HS6ST3: variants seen among roughly 807,000 people sequenced by gnomAD.
HS6ST3 encodes the protein heparan sulfate 6-O-sulfotransferase 3.
In HS6ST3, 12 loss-of-function variants were observed where a neutral mutation model predicts 36.7. The observed-to-expected ratio is 0.33, with a 90% CI of 0.21 to 0.53. The LOEUF is 0.53. Ranked by LOEUF, HS6ST3 falls within the 20% of genes least tolerant of loss-of-function variation. The probability of loss-of-function intolerance (pLI) is 0.95; values close to 1 mark genes in which losing one functional copy is unlikely to be tolerated. For synonymous variants in HS6ST3, 240 were observed against 257.5 expected, an observed-to-expected ratio of 0.93 and a Z score of 0.65; for missense variants, 584 against 640.9, an observed-to-expected ratio of 0.91 and a Z score of 0.96.
At chr13:96,358,787 C>T (rs1359045741) in intron 1 of HS6ST3, among the ~76,000 whole-genome samples, 1 of 151,892 alleles carries the variant, frequency 6.6e-6, no homozygotes, top group Non-Finnish European at 1.5e-5. Context: ...TTTTTATCTT[C>T]AAAGACGCAT....
intron 1 of HS6ST3, among the ~76,000 whole-genome samples, chr13:96,126,453 G>A (rs1656897434): frequency 6.6e-6 from 1 of 152,174 alleles, no homozygotes; most frequent in African/African-American, 2.4e-5. Context: ...TAAGACAGTT[G>A]TAGGTAAAGA....
intron 1 of HS6ST3, among the ~76,000 whole-genome samples, chr13:96,461,155 A>C (rs185687829): frequency 2.6e-5 from 4 of 152,342 alleles, no homozygotes; most frequent in Admixed American, 1.3e-4. Context: ...TTTAACCTAC[A>C]TATATTCAAA....
chr13:96,441,522 T>C (rs1407363193), intron 1 of HS6ST3, among the ~76,000 whole-genome samples: 1 of 152,122 alleles, frequency 6.6e-6, no homozygotes, highest in Non-Finnish European at 1.5e-5. Flanking sequence ...AGACAGCTGA[T>C]GAAAGTCTTC....
rs971130663 is a variant in HS6ST3, at chr13:96,832,644, G to A, written c.862G>A (p.Asp288Asn). 4.3e-6 allele frequency: 7 copies of A among 1,614,046 alleles called. No individual in the cohort carries two copies. The African/African-American group carries it at 5.3e-5, about 12-fold the overall frequency. The change falls in exon 2 of 2, where the codon GAT becomes AAT. Residue 288 changes from aspartate to asparagine, a missense_variant. This residue lies in a region of HS6ST3 where 360 missense variants were observed against 411.3 expected (regional missense o/e 0.88). Transcript: ENST00000376705. ...TGAGCTGCCTACCTGCTACCCTGGG[G>A]ATGACTGGTCTGGGGTCAGCTTGCG... ...PDELPTCYPGDDWSGVSLREF... is the reference protein window; with the variant it reads ...PDELPTCYPGNDWSGVSLREF...
chr13:96,536,713 GGATAATCTGAAACA>G (rs2056156934), intron 1 of HS6ST3, among the ~76,000 whole-genome samples: 1 of 152,134 alleles, frequency 6.6e-6, no homozygotes, highest in Admixed American at 6.6e-5. Context: ...CCATTTTTCA[GGATAATCTGAAACA>G]GCCAGGTAGA....
intron 1 of HS6ST3, among the ~76,000 whole-genome samples, chr13:96,448,053 C>G (rs2055707726): frequency 6.6e-6 from 1 of 152,156 alleles, no homozygotes; most frequent in African/African-American, 2.4e-5. Flanking sequence ...CTTTTATCAT[C>G]ATGGAGGCTT....
At chr13:96,541,588 G>T (rs887355882) in intron 1 of HS6ST3, among the ~76,000 whole-genome samples, 1 of 152,156 alleles carries the variant, frequency 6.6e-6, no homozygotes. Context: ...AACGTATATA[G>T]TGCCTGGGAG....
chr13:96,790,300 C>T (rs1594860668), intron 1 of HS6ST3, among the ~76,000 whole-genome samples: 1 of 151,528 alleles, frequency 6.6e-6, no homozygotes, highest in African/African-American at 2.4e-5. Context: ...CACACACACA[C>T]ACACACACTC....
chr13:96,424,797 A>G (rs1228414028), intron 1 of HS6ST3, among the ~76,000 whole-genome samples: 1 of 152,214 alleles, frequency 6.6e-6, no homozygotes, highest in Non-Finnish European at 1.5e-5. Flanking sequence ...TGGAGGGGAC[A>G]TAAACATTCA....
intron 1 of HS6ST3, among the ~76,000 whole-genome samples, chr13:96,292,615 G>GTTAA (rs200429905): frequency 1.3e-5 from 2 of 151,964 alleles, no homozygotes; most frequent in East Asian, 1.9e-4. Context: ...TAAATAAACA[G>GTTAA]TAGGTTGACA....
intron 1 of HS6ST3, among the ~76,000 whole-genome samples, chr13:96,175,758 G>T (rs2054210050): frequency 6.7e-6 from 1 of 149,682 alleles, no homozygotes; most frequent in South Asian, 2.1e-4. Flanking sequence ...CTTCAAAGCG[G>T]TTTATTCTTG....
intron 1 of HS6ST3, among the ~76,000 whole-genome samples, chr13:96,779,393 G>T (rs1327159489): frequency 1.3e-5 from 2 of 151,900 alleles, no homozygotes; most frequent in African/African-American, 2.4e-5. Flanking sequence ...ATAGGAATTT[G>T]TCCTATGGGA....
intron 1 of HS6ST3, among the ~76,000 whole-genome samples, chr13:96,266,648 A>C (rs887427084): frequency 7.9e-5 from 12 of 152,184 alleles, no homozygotes; most frequent in African/African-American, 1.9e-4. Context: ...CTGTGGGTAC[A>C]TCCCTTGAAA....
intron 1 of HS6ST3, among the ~76,000 whole-genome samples, chr13:96,268,129 A>G (rs770481241): frequency 7.2e-5 from 11 of 151,964 alleles, no homozygotes; most frequent in Non-Finnish European, 1.3e-4. Flanking sequence ...TAAATGCCCT[A>G]TACTTAATAT....
At chr13:96,314,763 G>C (rs534571308) in intron 1 of HS6ST3, among the ~76,000 whole-genome samples, 1 of 152,242 alleles carries the variant, frequency 6.6e-6, no homozygotes, top group South Asian at 2.1e-4. Context: ...TTGAGGTTAT[G>C]TACAAAGGTA....
intron 1 of HS6ST3, among the ~76,000 whole-genome samples, chr13:96,364,351 T>C (rs2139437371): frequency 6.6e-6 from 1 of 152,320 alleles, no homozygotes; most frequent in East Asian, 1.9e-4. Flanking sequence ...ACACTCTAAA[T>C]GTCCACAACG....
intron 1 of HS6ST3, among the ~76,000 whole-genome samples, chr13:96,831,375 A>G (rs1878776527): frequency 6.6e-6 from 1 of 152,254 alleles, no homozygotes; most frequent in Admixed American, 6.5e-5. Context: ...TGTACAGGAA[A>G]GCATGGGAGC....
intron 1 of HS6ST3, among the ~76,000 whole-genome samples, chr13:96,830,389 T>G (rs1304673065): frequency 2.0e-5 from 3 of 152,216 alleles, no homozygotes; most frequent in Non-Finnish European, 2.9e-5. Context: ...GGGAGGAATA[T>G]CTACAACTGC....
chr13:96,572,303 A>C (rs1246728459), intron 1 of HS6ST3, among the ~76,000 whole-genome samples: 3 of 152,162 alleles, frequency 2.0e-5, no homozygotes, highest in African/African-American at 7.2e-5. Flanking sequence ...TTGCTATGAG[A>C]CTTTCTGATC....
Sources: allele counts gnomAD v4.1 joint callset (sites outside exome capture counted in the v4.1 genomes callset), GRCh38; gene constraint gnomAD v4.1.1; regional missense constraint gnomAD v4.1.1; transcripts MANE v1.5; gene names NCBI Gene and HGNC (gene_info 2026-07-23, HGNC 2026-07-21).